The following RBFOX1 variants were observed in gnomAD, a reference collection of about 807,000 sequenced individuals.
The protein encoded by RBFOX1 is RNA binding fox-1 homolog 1.
A neutral mutation model predicts 57.7 loss-of-function variants in RBFOX1; 8 were observed. The observed-to-expected ratio is 0.14, with a 90% confidence interval of 0.08 to 0.25. RBFOX1 has a LOEUF of 0.25. Ranked by LOEUF, RBFOX1 falls within the 10% of genes least tolerant of loss-of-function variation. The pLI, the probability that RBFOX1 is intolerant of heterozygous loss-of-function variation, is 1.00. For synonymous variants in RBFOX1, 326 were observed against 222.4 expected, an observed-to-expected ratio of 1.47 and a Z score of -4.15; for missense variants, 611 against 548.5, an observed-to-expected ratio of 1.11 and a Z score of -1.14.
At chr16:7,300,412 A>G (rs992124128) in intron 4 of RBFOX1, among the ~76,000 whole-genome samples, 1 of 152,226 alleles carries the variant, frequency 6.6e-6, no homozygotes, top group African/African-American at 2.4e-5. Context: ...TTCTAAAGAT[A>G]CTTTCATGCT....
At chr16:7,118,404 T>A (rs2066386816) in intron 4 of RBFOX1, among the ~76,000 whole-genome samples, 1 of 152,086 alleles carries the variant, frequency 6.6e-6, no homozygotes, top group African/African-American at 2.4e-5. Flanking sequence ...GAGAAATGCC[T>A]GTTCAAGTCA....
chr16:7,709,414 C>T, intron 15 of RBFOX1: 1 of 1,292,994 alleles, frequency 7.7e-7, no homozygotes, highest in Non-Finnish European at 1.0e-6. Context: ...ATAATTAAAT[C>T]CATCACTAAC....
At chr16:7,267,929 C>G (rs8060603) in intron 4 of RBFOX1, among the ~76,000 whole-genome samples, 8,359 of 152,232 alleles carry the variant, frequency 0.055, 770 homozygotes, top group African/African-American at 0.19. Flanking sequence ...TCATGCAGCA[C>G]TTAATGGCAG....
intron 3 of RBFOX1, among the ~76,000 whole-genome samples, chr16:6,790,772 C>G (rs1387695289): frequency 6.6e-6 from 1 of 152,112 alleles, no homozygotes; most frequent in Non-Finnish European, 1.5e-5. Flanking sequence ...GTCAAAAGCT[C>G]AGGATGGGAA....
chr16:7,647,143 T>C (rs903557929), intron 11 of RBFOX1, among the ~76,000 whole-genome samples: 9 of 152,162 alleles, frequency 5.9e-5, no homozygotes, highest in Admixed American at 4.6e-4. Context: ...GAACTTCTTA[T>C]TCCCAAGAAC....
chr16:7,619,187 A>G (rs1429515890), intron 10 of RBFOX1, among the ~76,000 whole-genome samples: 1 of 152,164 alleles, frequency 6.6e-6, no homozygotes, highest in African/African-American at 2.4e-5. Context: ...TTAAAACACA[A>G]ACACCCCAAT....
intron 2 of RBFOX1, among the ~76,000 whole-genome samples, chr16:6,634,340 C>T (rs1018558809): frequency 4.6e-5 from 7 of 151,958 alleles, no homozygotes; most frequent in African/African-American, 1.7e-4. Flanking sequence ...GGTTCATGTC[C>T]CAGATCCAAC....
intron 4 of RBFOX1, among the ~76,000 whole-genome samples, chr16:7,239,052 T>C (rs1009360992): frequency 3.3e-5 from 5 of 152,202 alleles, no homozygotes; most frequent in Non-Finnish European, 7.3e-5. Flanking sequence ...TTGATGGGCA[T>C]TTAGGTTGAT....
At chr16:6,217,991 G>A (rs1191559304) in intron 1 of RBFOX1, among the ~76,000 whole-genome samples, 1 of 152,144 alleles carries the variant, frequency 6.6e-6, no homozygotes, top group Admixed American at 6.6e-5. Flanking sequence ...ATTCTAGCCT[G>A]GAAGGCAGAG....
At chr16:5,921,043 C>G (rs17716149) in intron 4 of RBFOX1, among the ~76,000 whole-genome samples, 1,948 of 152,246 alleles carry the variant, frequency 0.013, 16 homozygotes, top group Middle Eastern at 0.031. Flanking sequence ...TGCTCCGTCT[C>G]TGATGTGTTG....
intron 3 of RBFOX1, among the ~76,000 whole-genome samples, chr16:6,666,710 A>AAG (rs1568125124): frequency 7.2e-5 from 11 of 151,934 alleles, no homozygotes; most frequent in Non-Finnish European, 1.6e-4. Context: ...TGTGCTCCTC[A>AAG]TGCTCAGGGC....
At chr16:7,492,898 CCT>C (rs1205823011) in intron 4 of RBFOX1, among the ~76,000 whole-genome samples, 2 of 151,988 alleles carry the variant, frequency 1.3e-5, no homozygotes, top group Non-Finnish European at 2.9e-5. Context: ...GCTAATTAAG[CCT>C]CTCTTTTTTG....
chr16:6,557,980 C>T (rs549364470), intron 2 of RBFOX1, among the ~76,000 whole-genome samples: 19 of 152,248 alleles, frequency 1.2e-4, no homozygotes, highest in African/African-American at 4.3e-4. Context: ...CTCATTTTTG[C>T]TCATGGGATA....
intron 2 of RBFOX1, among the ~76,000 whole-genome samples, chr16:6,386,912 T>C (rs1023584411): frequency 5.9e-5 from 9 of 152,150 alleles, no homozygotes; most frequent in Admixed American, 5.9e-4. Context: ...GTTTGAGGAA[T>C]TGTGGAATAA....
intron 1 of RBFOX1, among the ~76,000 whole-genome samples, chr16:6,202,528 A>G (rs1276877627): frequency 6.6e-6 from 1 of 152,100 alleles, no homozygotes; most frequent in Non-Finnish European, 1.5e-5. Flanking sequence ...GCACCTCTAG[A>G]GTTTTCTTAT....
intron 3 of RBFOX1, among the ~76,000 whole-genome samples, chr16:6,874,569 G>T (rs1010558644): frequency 6.6e-6 from 1 of 151,050 alleles, no homozygotes; most frequent in Non-Finnish European, 1.5e-5. Flanking sequence ...CAACCTGGAT[G>T]GAGTGAGAGG....
At chr16:7,077,105 T>G (rs2153789774) in intron 4 of RBFOX1, among the ~76,000 whole-genome samples, 1 of 152,300 alleles carries the variant, frequency 6.6e-6, no homozygotes, top group South Asian at 2.1e-4. Flanking sequence ...ACTTATAATT[T>G]TCTGCCCAGA....
At position 6,539,851 on chromosome 16, in the gene RBFOX1, T is replaced by C. The variant is rs180686954; in HGVS notation, c.-63-114752T>C. 7.8e-3 allele frequency among the ~76,000 whole-genome samples: 635 copies of C among 81,348 alleles called. 4 individuals are homozygous for C. Among genetic ancestry groups the C allele is most frequent in the African/African-American group, 0.02 (616 of 31,040 alleles). 53.4% of individuals were successfully genotyped at this position (81,348 alleles called of 152,430 possible). A position where few individuals can be genotyped will look rare whatever the true frequency, so the allele number is the denominator to read the frequency against. On this transcript the variant is annotated intron_variant, in intron 2 of 15. Coordinates refer to ENST00000550418, the MANE Select transcript of RBFOX1 (RefSeq NM_018723.4). ...CACACACACACAGACTTTAGAATTA[T>C]CTCATTGTCTTCCTACAAGCTGTCT...
At chr16:7,669,947 T>C (rs2070828349) in intron 13 of RBFOX1, among the ~76,000 whole-genome samples, 1 of 151,994 alleles carries the variant, frequency 6.6e-6, no homozygotes, top group Non-Finnish European at 1.5e-5. Context: ...AGACAAGATG[T>C]TGAGTGTTTT....
Sources: allele counts gnomAD v4.1 joint callset (sites outside exome capture counted in the v4.1 genomes callset), GRCh38; gene constraint gnomAD v4.1.1; transcripts MANE v1.5; gene names NCBI Gene and HGNC (gene_info 2026-07-23, HGNC 2026-07-21).